AK8: variants seen among roughly 807,000 people sequenced by gnomAD.
AK8 encodes the protein adenylate kinase 8.
Under a neutral mutation model 54.6 loss-of-function variants are expected in AK8, and 44 were observed. The ratio of observed to expected loss-of-function variants is 0.81; its 90% CI spans 0.63 to 1.04. The LOEUF (loss-of-function observed/expected upper bound fraction) is 1.04. Ranked by LOEUF, AK8 falls within the 50% of genes least tolerant of loss-of-function variation. The pLI, the probability that AK8 is intolerant of heterozygous loss-of-function variation, is 0.00. For synonymous variants in AK8, 239 were observed against 245.6 expected (o/e 0.97, Z 0.25); for missense variants, 555 against 613.6 (o/e 0.90, Z 1.01).
intron 11 of AK8, among the ~76,000 whole-genome samples, chr9:132,788,130 CTAAT>C (rs1245247320): frequency 2.0e-4 from 30 of 151,766 alleles, no homozygotes; most frequent in South Asian, 6.3e-4. Flanking sequence ...AAATAATTAA[CTAAT>C]AGGTACAAAG....
At chr9:132,767,135 T>TA (rs2131074430) in intron 11 of AK8, among the ~76,000 whole-genome samples, 1 of 152,286 alleles carries the variant, frequency 6.6e-6, no homozygotes, top group South Asian at 2.1e-4. Flanking sequence ...AAATGGGGCT[T>TA]ACATCAAGCT....
At chr9:132,796,775 A>C (rs1156668980) in intron 10 of AK8, among the ~76,000 whole-genome samples, 6 of 16,014 alleles carry the variant, frequency 3.7e-4, no homozygotes, top group African/African-American at 7.6e-4. Context: ...CATGCTACAC[A>C]CACACACACA....
At chr9:132,763,937 A>C (rs1838603426) in intron 11 of AK8, among the ~76,000 whole-genome samples, 1 of 152,244 alleles carries the variant, frequency 6.6e-6, no homozygotes, top group South Asian at 2.1e-4. Flanking sequence ...TAACCTAATG[A>C]TGCATTTCAA....
intron 6 of AK8, among the ~76,000 whole-genome samples, 168 bp downstream of exon 6, chr9:132,828,477 T>G (rs1054392781): frequency 2.6e-5 from 4 of 152,268 alleles, no homozygotes; most frequent in Non-Finnish European, 4.4e-5. Flanking sequence ...GAACCAGCCC[T>G]GAATATATTT....
chr9:132,754,095 CA>C (rs1401055529), intron 11 of AK8, among the ~76,000 whole-genome samples: 1 of 152,262 alleles, frequency 6.6e-6, no homozygotes, highest in African/African-American at 2.4e-5. Context: ...CCACTGAGGT[CA>C]GCAGAAACTC....
At chr9:132,839,866 A>G (rs1842469896) in intron 5 of AK8, among the ~76,000 whole-genome samples, 2 of 147,412 alleles carry the variant, frequency 1.4e-5, no homozygotes, top group African/African-American at 5.1e-5. Flanking sequence ...CACCCAGGCT[A>G]GAGTGCAGTG....
intron 5 of AK8, among the ~76,000 whole-genome samples, chr9:132,844,726 G>A (rs1842682870): frequency 6.6e-6 from 1 of 152,186 alleles, no homozygotes; most frequent in South Asian, 2.1e-4. Flanking sequence ...GACATGATCA[G>A]AATCACAGAA....
chr9:132,728,734 C>G (rs1334785154), intron 11 of AK8, among the ~76,000 whole-genome samples: 1 of 152,084 alleles, frequency 6.6e-6, no homozygotes, highest in African/African-American at 2.4e-5. Flanking sequence ...AGGAGCAGGA[C>G]ACTCCTGCTA....
At chr9:132,845,236 A>T (rs1347991965) in intron 5 of AK8, among the ~76,000 whole-genome samples, 1 of 152,200 alleles carries the variant, frequency 6.6e-6, no homozygotes, top group Non-Finnish European at 1.5e-5. Flanking sequence ...TAATAATAAC[A>T]CACATTATAA....
intron 10 of AK8, among the ~76,000 whole-genome samples, chr9:132,809,168 CAG>C (rs1216381383): frequency 6.6e-6 from 1 of 152,136 alleles, no homozygotes; most frequent in Non-Finnish European, 1.5e-5. Context: ...GCACCCAGGA[CAG>C]AGATATCTGA....
chr9:132,812,403 T>A (rs1025971285), intron 10 of AK8, among the ~76,000 whole-genome samples: 2 of 151,188 alleles, frequency 1.3e-5, no homozygotes, highest in Non-Finnish European at 3.0e-5. Flanking sequence ...GCTAATTTTT[T>A]TTTTTTTGTA....
intron 11 of AK8, among the ~76,000 whole-genome samples, chr9:132,739,443 A>AC: frequency 2.5e-5 from 1 of 39,944 alleles, no homozygotes; most frequent in Non-Finnish European, 5.0e-5. Flanking sequence ...CTCTGTCTCA[A>AC]AAAAAAAAAA....
chr9:132,751,893 T>G (rs539420138), intron 11 of AK8, among the ~76,000 whole-genome samples: 6 of 151,896 alleles, frequency 4.0e-5, no homozygotes, highest in African/African-American at 1.4e-4. Flanking sequence ...CAGGCTGGAG[T>G]GCAGTGGCGC....
At chr9:132,854,099 G>A (rs970966703) in intron 5 of AK8, among the ~76,000 whole-genome samples, 2 of 152,126 alleles carry the variant, frequency 1.3e-5, no homozygotes, top group African/African-American at 4.8e-5. Context: ...TACTCAGGAG[G>A]CTGAGACAGG....
chr9:132,792,956 C>T (rs994386471), intron 10 of AK8, among the ~76,000 whole-genome samples, 181 bp from the exon 11 acceptor site: 5 of 152,206 alleles, frequency 3.3e-5, no homozygotes, highest in African/African-American at 1.2e-4. Context: ...GTCCCAGCAA[C>T]GGGGCTGCGT....
chr9:132,863,236 G>C (rs1269885120), intron 4 of AK8, among the ~76,000 whole-genome samples: 1 of 152,234 alleles, frequency 6.6e-6, no homozygotes, highest in East Asian at 1.9e-4. Flanking sequence ...CAGAACATGG[G>C]GGCTTTCCAC....
intron 10 of AK8, among the ~76,000 whole-genome samples, chr9:132,793,348 T>C (rs1268760264): frequency 6.6e-6 from 1 of 152,184 alleles, no homozygotes; most frequent in African/African-American, 2.4e-5. Flanking sequence ...GATTTTAACA[T>C]ATGAATTTTG....
chr9:132,848,886 T>C (rs1472500610), intron 5 of AK8, among the ~76,000 whole-genome samples: 1 of 151,530 alleles, frequency 6.6e-6, no homozygotes, highest in East Asian at 1.9e-4. Flanking sequence ...AGCTGGCCTT[T>C]CTTCTAACAC....
intron 10 of AK8, among the ~76,000 whole-genome samples, chr9:132,801,479 T>G (rs543413114): frequency 6.6e-6 from 1 of 152,344 alleles, no homozygotes; most frequent in African/African-American, 2.4e-5. Flanking sequence ...AACTGGATTA[T>G]TTTAAAGAGT....
Sources: gnomAD v4.1 joint callset for allele counts (sites outside exome capture counted in the v4.1 genomes callset) on GRCh38, gnomAD v4.1.1 for gene constraint, MANE v1.5 for transcripts, NCBI Gene and HGNC (gene_info 2026-07-23, HGNC 2026-07-21) for gene names.